PRKG1: variants seen among roughly 807,000 people sequenced by gnomAD.
The protein encoded by PRKG1 is protein kinase cGMP-dependent 1, also known as cGMP-dependent protein kinase 1.
PRKG1 carries 35 observed loss-of-function variants against 88.1 expected under a neutral mutation model. The ratio of observed to expected loss-of-function variants is 0.40; its 90% confidence interval spans 0.30 to 0.53. PRKG1 has a LOEUF of 0.53. Ranked by LOEUF, PRKG1 falls within the 20% of genes least tolerant of loss-of-function variation. The probability of loss-of-function intolerance (pLI) is 0.59; values close to 1 mark genes in which losing one functional copy is unlikely to be tolerated. For synonymous variants in PRKG1, 303 were observed against 292.5 expected (o/e 1.04, Z -0.37); for missense variants, 540 against 839.8 (o/e 0.64, Z 4.41).
chr10:52,113,154 G>T (rs1847605537), intron 7 of PRKG1, among the ~76,000 whole-genome samples: 1 of 152,162 alleles, frequency 6.6e-6, no homozygotes, highest in Non-Finnish European at 1.5e-5. Flanking sequence ...TTGGCACATG[G>T]TGATCACTCA....
At chr10:52,210,386 G>A (rs540495728) in intron 9 of PRKG1, among the ~76,000 whole-genome samples, 1 of 151,526 alleles carries the variant, frequency 6.6e-6, no homozygotes, top group South Asian at 2.1e-4. Flanking sequence ...CCTGTCACTG[G>A]ATTCTTAATG....
chr10:51,637,059 C>G (rs1589150672), intron 3 of PRKG1, among the ~76,000 whole-genome samples: 1 of 152,128 alleles, frequency 6.6e-6, no homozygotes, highest in East Asian at 1.9e-4. Context: ...TAAAAACCTT[C>G]TCCATAAAAA....
intron 9 of PRKG1, among the ~76,000 whole-genome samples, chr10:52,166,826 T>C (rs1305114328): frequency 4.7e-4 from 1 of 2,132 alleles, no homozygotes; most frequent in African/African-American, 6.0e-4. Context: ...TATGTATATA[T>C]ATGTATATAT....
chr10:51,352,702 G>T lies in PRKG1; in HGVS notation c.479-115021G>T, dbSNP rs1588873881. Among the ~76,000 whole-genome samples, 4 of 151,998 alleles carry T rather than the reference G, an allele frequency of 2.6e-5. 1 individual carries two copies. In the South Asian group the frequency reaches 8.3e-4, roughly 32 times the overall value. Reference sequence around the variant, plus strand: ...CAAATACTACTCAAAGCAATCTACAGATTCAATGCAATCCCTATGAAAATA... The same window carrying T: ...CAAATACTACTCAAAGCAATCTACATATTCAATGCAATCCCTATGAAAATA... On this transcript the variant is annotated intron_variant, in intron 2 of 17. Transcript: ENST00000373980.
intron 1 of PRKG1, among the ~76,000 whole-genome samples, chr10:51,146,370 G>T (rs908598104): frequency 5.3e-5 from 8 of 151,702 alleles, no homozygotes; most frequent in African/African-American, 1.5e-4. Flanking sequence ...TTGGCCATTT[G>T]TATGTCTTCT....
chr10:51,455,673 A>G (rs1225198078), intron 2 of PRKG1, among the ~76,000 whole-genome samples: 12 of 152,122 alleles, frequency 7.9e-5, no homozygotes, highest in Non-Finnish European at 1.5e-5. Context: ...TTTTATTCCA[A>G]TTCCCAACAC....
intron 9 of PRKG1, among the ~76,000 whole-genome samples, chr10:52,239,585 T>C (rs1454629895): frequency 6.7e-6 from 1 of 149,196 alleles, no homozygotes; most frequent in Non-Finnish European, 1.5e-5. Flanking sequence ...TCCCAGTTTC[T>C]TTCATTTTAC....
chr10:51,723,928 T>C (rs975571865), intron 3 of PRKG1, among the ~76,000 whole-genome samples: 1 of 152,140 alleles, frequency 6.6e-6, no homozygotes, highest in African/African-American at 2.4e-5. Flanking sequence ...TTCGTATGGG[T>C]TTCAACTGAT....
chr10:51,204,954 A>T (rs1428757549), intron 2 of PRKG1, among the ~76,000 whole-genome samples: 3 of 151,980 alleles, frequency 2.0e-5, no homozygotes, highest in African/African-American at 7.2e-5. Context: ...GCCATTTCTG[A>T]GCATGGTGTG....
intron 1 of PRKG1, among the ~76,000 whole-genome samples, chr10:51,011,161 G>A (rs1842989769): frequency 6.6e-6 from 1 of 152,106 alleles, no homozygotes; most frequent in Admixed American, 6.5e-5. Flanking sequence ...TTGCAACTAT[G>A]GATATTTTGA....
chr10:51,308,890 G>A (rs539474309), intron 2 of PRKG1, among the ~76,000 whole-genome samples: 308 of 152,262 alleles, frequency 2.0e-3, no homozygotes, highest in Non-Finnish European at 2.2e-3. Flanking sequence ...TGAGACCTTT[G>A]AGGAGGGGGC....
rs144345072 is a variant in PRKG1 at position 52,161,954 on chromosome 10, C to T, written c.1067C>T (p.Ala356Val). 170 of 1,611,134 alleles carry T rather than the reference C, an allele frequency of 1.1e-4. No individual in the cohort carries two copies. The highest frequency in any genetic ancestry group is 1.4e-4 in the Non-Finnish European group (165 of 1,178,856). ...VSNKAYEDAE[A>V]KAKYEAEAAF... Reference sequence around the variant, plus strand: ...AATAAAGCATATGAAGATGCAGAAGCTAAAGCAAAGTAAGTGACTTTTTTC... The same window carrying T: ...AATAAAGCATATGAAGATGCAGAAGTTAAAGCAAAGTAAGTGACTTTTTTC... The change falls in exon 9 of 18, where the codon GCT becomes GTT. Residue 356 changes from alanine to valine, a missense_variant. By Grantham distance (64) the Ala-to-Val change is moderately conservative. Transcript: ENST00000373980.
At chr10:51,185,661 T>C (rs1416082150) in intron 2 of PRKG1, among the ~76,000 whole-genome samples, 2 of 151,952 alleles carry the variant, frequency 1.3e-5, no homozygotes, top group East Asian at 1.9e-4. Flanking sequence ...CAGTTCATGA[T>C]GTTCAAATAT....
At chr10:51,462,495 T>C (rs1328548817) in intron 2 of PRKG1, among the ~76,000 whole-genome samples, 1 of 152,198 alleles carries the variant, frequency 6.6e-6, no homozygotes, top group Non-Finnish European at 1.5e-5. Context: ...GAAGTAGATA[T>C]GCTATAATGG....
intron 14 of PRKG1, among the ~76,000 whole-genome samples, chr10:52,282,984 G>C (rs1842032979): frequency 6.6e-6 from 1 of 152,066 alleles, no homozygotes; most frequent in Non-Finnish European, 1.5e-5. Context: ...CTTAGATATA[G>C]AGAGCAAGAA....
intron 3 of PRKG1, among the ~76,000 whole-genome samples, chr10:51,717,162 G>C (rs1159230997): frequency 6.6e-6 from 1 of 152,212 alleles, no homozygotes; most frequent in Non-Finnish European, 1.5e-5. Context: ...TCTGAAAATA[G>C]AGCAGAGCAA....
At chr10:51,627,964 T>TTC (rs1839392859) in intron 3 of PRKG1, among the ~76,000 whole-genome samples, 1 of 29,002 alleles carries the variant, frequency 3.4e-5, no homozygotes, top group African/African-American at 1.0e-4. Context: ...CTTTCTTTCT[T>TTC]TCTTTCTCTT....
chr10:51,889,215 C>T (rs1438183261), intron 4 of PRKG1, among the ~76,000 whole-genome samples: 1 of 119,206 alleles, frequency 8.4e-6, no homozygotes. Context: ...CCCCCTCCCC[C>T]CACCCCACAA....
intron 2 of PRKG1, among the ~76,000 whole-genome samples, chr10:51,255,103 CAATATT>C (rs1215303895): frequency 6.6e-6 from 1 of 151,882 alleles, no homozygotes; most frequent in African/African-American, 2.4e-5. Context: ...TGAATTAAAT[CAATATT>C]AAGTGCCAAG....
Sources: gnomAD v4.1 joint callset for allele counts (sites outside exome capture counted in the v4.1 genomes callset) on GRCh38, gnomAD v4.1.1 for gene constraint, MANE v1.5 for transcripts, NCBI Gene and HGNC (gene_info 2026-07-23, HGNC 2026-07-21) for gene names.